Variants in SHISA9 observed in about 807,000 individuals in gnomAD.
SHISA9 encodes protein shisa-9.
SHISA9 carries 13 observed loss-of-function variants against 38.0 expected under a neutral mutation model. That is an observed-to-expected ratio of 0.34 (90% CI 0.22 to 0.54). The LOEUF is 0.54. SHISA9 is among the 20% of genes least tolerant of loss of function. The pLI is 0.91. For synonymous variants in SHISA9, 275 were observed against 242.0 expected (o/e 1.14, Z -1.27); for missense variants, 538 against 575.8 (o/e 0.93, Z 0.67).
chr16:13,406,183 T>C, the SHISA9 span, among the ~76,000 whole-genome samples: 3 of 152,314 alleles, frequency 2.0e-5, no homozygotes, highest in South Asian at 2.1e-4. Context: ...TTTCCAAGCA[T>C]CTTTGGACAA....
At chr16:13,370,384 A>C in the SHISA9 span, among the ~76,000 whole-genome samples, 2 of 152,188 alleles carry the variant, frequency 1.3e-5, no homozygotes, top group South Asian at 4.1e-4. Context: ...TGGAACAAGA[A>C]ATGCCTTGGC....
At chr16:13,280,898 G>T in the SHISA9 span, among the ~76,000 whole-genome samples, 1 of 151,766 alleles carries the variant, frequency 6.6e-6, no homozygotes, top group Non-Finnish European at 1.5e-5. Context: ...CTCTGTGCAG[G>T]AAAGAATGCA....
At chr16:13,516,980 T>A in the SHISA9 span, among the ~76,000 whole-genome samples, 1 of 152,154 alleles carries the variant, frequency 6.6e-6, no homozygotes, top group East Asian at 1.9e-4. Context: ...GAAATAAATA[T>A]GTATTGCTGA....
intron 2 of SHISA9, among the ~76,000 whole-genome samples, chr16:12,936,599 C>T (rs1021016840): frequency 6.6e-6 from 1 of 152,218 alleles, no homozygotes; most frequent in Admixed American, 6.5e-5. Flanking sequence ...GACAGACTCA[C>T]TTCCCACGAG....
chr16:12,915,353 A>G (rs1014451358), intron 1 of SHISA9, among the ~76,000 whole-genome samples: 1 of 152,188 alleles, frequency 6.6e-6, no homozygotes, highest in African/African-American at 2.4e-5. Flanking sequence ...CTGTGGTCCC[A>G]GCTATTCAGG....
the SHISA9 span, among the ~76,000 whole-genome samples, chr16:13,278,155 C>A: frequency 2.3e-4 from 35 of 152,204 alleles, no homozygotes; most frequent in African/African-American, 7.9e-4. Flanking sequence ...AATGCTTTTT[C>A]TGCATCTATT....
At chr16:12,915,377 C>T (rs1225384428) in intron 1 of SHISA9, among the ~76,000 whole-genome samples, 5 of 152,034 alleles carry the variant, frequency 3.3e-5, no homozygotes, top group Non-Finnish European at 5.9e-5. Context: ...CTGAGGAGTT[C>T]GAGGCTGCTG....
chr16:13,417,690 G>C, the SHISA9 span, among the ~76,000 whole-genome samples: 1 of 152,194 alleles, frequency 6.6e-6, no homozygotes, highest in African/African-American at 2.4e-5. Context: ...ACCATTGGAG[G>C]CTACCTCAGC....
At chr16:13,244,758 C>G (rs1327674875), downstream of SHISA9, among the ~76,000 whole-genome samples, 1 of 152,160 alleles carries the variant, frequency 6.6e-6, no homozygotes, top group Non-Finnish European at 1.5e-5. Flanking sequence ...TGCTTTTCAA[C>G]TAATGCAATA....
chr16:13,184,876 T>G (rs1482739554), intron 2 of SHISA9, among the ~76,000 whole-genome samples: 1 of 152,252 alleles, frequency 6.6e-6, no homozygotes, highest in Non-Finnish European at 1.5e-5. Context: ...TTTTTGGCAA[T>G]TATGAATAAA....
chr16:13,410,421 T>C, the SHISA9 span, among the ~76,000 whole-genome samples: 1 of 152,214 alleles, frequency 6.6e-6, no homozygotes, highest in South Asian at 2.1e-4. Context: ...ACAGTTCTTT[T>C]CATAAATGAT....
chr16:13,121,872 CA>C (rs2050214587), intron 2 of SHISA9, among the ~76,000 whole-genome samples: 1 of 137,650 alleles, frequency 7.3e-6, no homozygotes, highest in African/African-American at 2.8e-5. Flanking sequence ...CACACACACA[CA>C]CACACACACA....
chr16:13,455,785 C>T, the SHISA9 span, among the ~76,000 whole-genome samples: 52 of 152,134 alleles, frequency 3.4e-4, no homozygotes, highest in Non-Finnish European at 5.7e-4. Context: ...TAACCGCAGC[C>T]TCCCTCCCCC....
intron 2 of SHISA9, among the ~76,000 whole-genome samples, chr16:13,177,881 GC>G (rs538073463): frequency 1.9e-3 from 289 of 152,226 alleles, no homozygotes; most frequent in African/African-American, 6.8e-3. Context: ...TGTTGTCCAG[GC>G]TGATCTGAAA....
At chr16:13,551,657 G>A in the SHISA9 span, among the ~76,000 whole-genome samples, 1 of 152,148 alleles carries the variant, frequency 6.6e-6, no homozygotes, top group African/African-American at 2.4e-5. Context: ...CACACAGCAG[G>A]CAGACACAAT....
At chr16:13,105,387 T>C (rs1428073055) in intron 2 of SHISA9, among the ~76,000 whole-genome samples, 1 of 152,216 alleles carries the variant, frequency 6.6e-6, no homozygotes, top group Non-Finnish European at 1.5e-5. Context: ...GGACCACATT[T>C]CAGGCCATCA....
At chr16:13,171,458 G>C (rs1292744850) in intron 2 of SHISA9, among the ~76,000 whole-genome samples, 1 of 148,848 alleles carries the variant, frequency 6.7e-6, no homozygotes, top group African/African-American at 2.4e-5. Context: ...CTGGGAGAGT[G>C]AATGACAGGC....
the SHISA9 span, among the ~76,000 whole-genome samples, chr16:13,255,172 T>C: frequency 6.6e-6 from 1 of 152,148 alleles, no homozygotes; most frequent in East Asian, 1.9e-4. Context: ...TGGTTCTACT[T>C]TGACTATATC....
the SHISA9 span, among the ~76,000 whole-genome samples, chr16:13,359,671 G>A: frequency 6.6e-6 from 1 of 152,072 alleles, no homozygotes; most frequent in African/African-American, 2.4e-5. Context: ...TACCACTAGA[G>A]GTATTTATAC....
Sources: allele counts gnomAD v4.1 joint callset (sites outside exome capture counted in the v4.1 genomes callset), GRCh38; gene constraint gnomAD v4.1.1; transcripts MANE v1.5; gene names NCBI Gene and HGNC (gene_info 2026-07-23, HGNC 2026-07-21).